The following BCAS3 variants were observed in gnomAD, a reference collection of about 807,000 sequenced individuals.
BCAS3 encodes BCAS4/BCAS3 fusion.
In BCAS3, 53 loss-of-function variants were observed where a neutral mutation model predicts 116.1. The observed-to-expected ratio is 0.46, with a 90% CI of 0.37 to 0.57. The LOEUF (loss-of-function observed/expected upper bound fraction) is 0.57. BCAS3 is among the 20% of genes least tolerant of loss of function. The probability of loss-of-function intolerance (pLI) is 0.00; values close to 1 mark genes in which losing one functional copy is unlikely to be tolerated. For synonymous variants in BCAS3, 391 were observed against 408.2 expected, an observed-to-expected ratio of 0.96 and a Z score of 0.51; for missense variants, 917 against 1,165.4, an observed-to-expected ratio of 0.79 and a Z score of 3.10.
intron 14 of BCAS3, among the ~76,000 whole-genome samples, chr17:60,965,267 G>A (rs1031728400): frequency 6.7e-6 from 1 of 148,774 alleles, no homozygotes; most frequent in African/African-American, 2.5e-5. Flanking sequence ...CTCACTCCAG[G>A]CTGGAGTGCA....
intron 6 of BCAS3, among the ~76,000 whole-genome samples, chr17:60,795,079 T>G (rs2047098347): frequency 6.6e-6 from 1 of 152,182 alleles, no homozygotes; most frequent in African/African-American, 2.4e-5. Flanking sequence ...TCATCTGTGA[T>G]TTCTTTCAGC....
chr17:60,684,898 C>G (rs2033793114), intron 3 of BCAS3, among the ~76,000 whole-genome samples: 1 of 151,786 alleles, frequency 6.6e-6, no homozygotes, highest in South Asian at 2.1e-4. Context: ...GTGCCTTCAA[C>G]CTGAAAAGCT....
chr17:61,329,215 C>CTA (rs2056006818), intron 22 of BCAS3, among the ~76,000 whole-genome samples: 1 of 151,682 alleles, frequency 6.6e-6, no homozygotes, highest in Non-Finnish European at 1.5e-5. Flanking sequence ...GGCACCGATC[C>CTA]TATCATGAGT....
intron 22 of BCAS3, among the ~76,000 whole-genome samples, chr17:61,353,047 GGGA>G (rs770716939): frequency 3.9e-4 from 59 of 152,310 alleles, no homozygotes; most frequent in Admixed American, 2.9e-3. Flanking sequence ...GGTGGGGAGA[GGGA>G]GGAGAGGAAA....
At chr17:61,081,484 C>G (rs1479262979) in intron 21 of BCAS3, among the ~76,000 whole-genome samples, 1 of 152,162 alleles carries the variant, frequency 6.6e-6, no homozygotes, top group African/African-American at 2.4e-5. Flanking sequence ...TTGTTTAAAT[C>G]TAAATGACTT....
chr17:60,906,688 C>T (rs1216458691), intron 11 of BCAS3, among the ~76,000 whole-genome samples: 3 of 152,086 alleles, frequency 2.0e-5, no homozygotes, highest in African/African-American at 4.8e-5. Context: ...ATATTCTCTT[C>T]GATTTTCCTA....
At chr17:60,700,963 G>T (rs894582674) in intron 4 of BCAS3, among the ~76,000 whole-genome samples, 2 of 152,134 alleles carry the variant, frequency 1.3e-5, no homozygotes, top group African/African-American at 4.8e-5. Context: ...GAGAGGGGAG[G>T]CTGGGTGTGG....
intron 7 of BCAS3, chr17:60,851,513 T>C (rs180888464): frequency 4.7e-5 from 28 of 594,336 alleles, no homozygotes; most frequent in Admixed American, 4.2e-4. Flanking sequence ...CAGCAAAGCA[T>C]TGAAACCACC....
intron 19 of BCAS3, among the ~76,000 whole-genome samples, chr17:61,072,195 G>A (rs938930838): frequency 1.3e-5 from 2 of 152,040 alleles, no homozygotes; most frequent in South Asian, 2.1e-4. Flanking sequence ...GTTAATGAGG[G>A]CAGAGAGGAT....
intron 22 of BCAS3, among the ~76,000 whole-genome samples, chr17:61,110,160 T>C (rs1358478460): frequency 2.0e-5 from 3 of 152,246 alleles, no homozygotes; most frequent in Non-Finnish European, 4.4e-5. Context: ...TTCATTCTTC[T>C]ACATGTGGCT....
rs945415935 is a variant in BCAS3 at position 61,013,648 on chromosome 17, T to C, written c.1487-2103T>C. 1.3e-5 allele frequency among the ~76,000 whole-genome samples: 2 copies of C among 152,080 alleles called. No individual in the cohort carries two copies. The highest frequency in any genetic ancestry group is 4.8e-5 in the African/African-American group (2 of 41,416). ...CTGCAACAGGTGTAGATGGCTTCTG[T>C]TAACTTTAATGTGTATTCTGAATTG... On this transcript the variant is annotated intron_variant, in intron 15 of 23. Coordinates refer to ENST00000407086, the MANE Select transcript of BCAS3 (RefSeq NM_017679.5). This position sits in a 1 kb window ranked among gnomAD's most constrained non-coding sequence, Gnocchi z 4.4.
chr17:60,846,972 C>G (rs1227477819), intron 7 of BCAS3, among the ~76,000 whole-genome samples: 1 of 152,172 alleles, frequency 6.6e-6, no homozygotes, highest in African/African-American at 2.4e-5. Context: ...ACAGTCCCTC[C>G]CCGTTTCCTC....
chr17:60,971,462 C>T (rs939042829), intron 14 of BCAS3, among the ~76,000 whole-genome samples: 26 of 152,194 alleles, frequency 1.7e-4, no homozygotes, highest in African/African-American at 6.0e-4. Flanking sequence ...ATAGTTTTTA[C>T]CTAACCCTGA....
intron 22 of BCAS3, among the ~76,000 whole-genome samples, chr17:61,175,899 A>T (rs1294705959): frequency 6.6e-6 from 1 of 152,126 alleles, no homozygotes; most frequent in Non-Finnish European, 1.5e-5. Context: ...ACTTTGGGAG[A>T]CTGAGGCAGA....
chr17:61,245,963 G>A (rs1407248896), intron 22 of BCAS3, among the ~76,000 whole-genome samples: 1 of 152,290 alleles, frequency 6.6e-6, no homozygotes, highest in Non-Finnish European at 1.5e-5. Flanking sequence ...CTCCCCTAAC[G>A]TGAATAAAAC....
chr17:60,809,021 C>T (rs556093631), intron 7 of BCAS3, among the ~76,000 whole-genome samples: 16 of 152,192 alleles, frequency 1.1e-4, no homozygotes, highest in South Asian at 2.1e-4. Context: ...TGGTGACTCA[C>T]GCCTGTAATC....
chr17:60,694,724 C>A (rs1223055106), intron 4 of BCAS3, among the ~76,000 whole-genome samples: 1 of 151,766 alleles, frequency 6.6e-6, no homozygotes, highest in Non-Finnish European at 1.5e-5. Context: ...GATCCTCCCA[C>A]CTCGGTGTCC....
chr17:61,086,073 A>G (rs2073068581), intron 22 of BCAS3, among the ~76,000 whole-genome samples: 1 of 151,812 alleles, frequency 6.6e-6, no homozygotes, highest in East Asian at 1.9e-4. Flanking sequence ...CTGAGGTAAC[A>G]CTCCATATAT....
At chr17:61,158,832 C>A (rs1231291591) in intron 22 of BCAS3, among the ~76,000 whole-genome samples, 1 of 152,102 alleles carries the variant, frequency 6.6e-6, no homozygotes, top group Non-Finnish European at 1.5e-5. Flanking sequence ...TAGCAGATAA[C>A]AAAAGTGAAC....
Sources: gnomAD v4.1 joint callset for allele counts (sites outside exome capture counted in the v4.1 genomes callset) on GRCh38, gnomAD v4.1.1 for gene constraint, Gnocchi (gnomAD v3.1) non-coding constraint, MANE v1.5 for transcripts, NCBI Gene and HGNC (gene_info 2026-07-23, HGNC 2026-07-21) for gene names.